The following PRDM16 variants were observed in gnomAD, a reference collection of about 807,000 sequenced individuals.
PRDM16 encodes PR/SET domain 16.
Under a neutral mutation model 110.6 loss-of-function variants are expected in PRDM16, and 23 were observed. The ratio of observed to expected loss-of-function variants is 0.21; its 90% CI spans 0.15 to 0.29. The LOEUF (loss-of-function observed/expected upper bound fraction) is 0.29, where lower values mean the gene tolerates loss of function less well. PRDM16 is among the 10% of genes least tolerant of loss of function. The pLI is 1.00. For synonymous variants in PRDM16, 799 were observed against 781.8 expected (o/e 1.02, Z -0.37); for missense variants, 1,615 against 1,794.3 (o/e 0.90, Z 1.81).
At chr1:3,215,256 C>T (rs900967224) in intron 2 of PRDM16, among the ~76,000 whole-genome samples, 2 of 148,410 alleles carry the variant, frequency 1.3e-5, no homozygotes, top group African/African-American at 5.1e-5. Flanking sequence ...CAGAACAGAG[C>T]GGAACCCGAC....
chr1:3,346,769 C>G (rs1357389200), intron 3 of PRDM16, among the ~76,000 whole-genome samples: 2 of 152,274 alleles, frequency 1.3e-5, no homozygotes, highest in Admixed American at 6.5e-5. Flanking sequence ...GTGGGTGGCT[C>G]TACAAGGGAA....
At chr1:3,270,241 G>A (rs1038515260) in intron 3 of PRDM16, among the ~76,000 whole-genome samples, 1 of 150,702 alleles carries the variant, frequency 6.6e-6, no homozygotes, top group African/African-American at 2.4e-5. Flanking sequence ...TCAGGAGGAG[G>A]ACAGTCCAGG....
intron 2 of PRDM16, among the ~76,000 whole-genome samples, chr1:3,187,216 C>T (rs970532718): frequency 3.3e-4 from 50 of 152,012 alleles, no homozygotes; most frequent in Non-Finnish European, 5.9e-4. Flanking sequence ...AACAGCCCCA[C>T]CCCCCCACAA....
chr1:3,291,850 CTTCTCTCCTCGAAGGGAACAGT>C (rs1640979977), intron 3 of PRDM16, among the ~76,000 whole-genome samples: 1 of 152,236 alleles, frequency 6.6e-6, no homozygotes, highest in Non-Finnish European at 1.5e-5. Flanking sequence ...GTCCCAACAG[CTTCTCTCCTCGAAGGGAACAGT>C]GCACCTCCCA....
intron 1 of PRDM16, among the ~76,000 whole-genome samples, chr1:3,142,507 G>A (rs12120941): frequency 0.067 from 9,985 of 149,860 alleles, 413 homozygotes; most frequent in East Asian, 0.12. Context: ...GCCGTCGAAC[G>A]GGATGCACAA....
chr1:3,153,226 A>G (rs930788035), intron 1 of PRDM16, among the ~76,000 whole-genome samples: 2 of 152,190 alleles, frequency 1.3e-5, no homozygotes, highest in African/African-American at 4.8e-5. Flanking sequence ...TCCTCAGGCA[A>G]TAGCTCTGGA....
rs187370189 is a variant in PRDM16, at chr1:3,258,267, C to A, written c.438+14130C>A. Among the ~76,000 whole-genome samples, 4 of 152,282 alleles carry A rather than the reference C, an allele frequency of 2.6e-5. No homozygotes were observed. The East Asian group carries it at 7.7e-4, about 29-fold the overall frequency. On this transcript the variant is annotated intron_variant, in intron 3 of 16. Coordinates refer to ENST00000270722, the MANE Select transcript of PRDM16 (RefSeq NM_022114.4). ...GTCCCTTCTCAGGGCTATTCCTCTT[C>A]TCATCTGTTATCTATGGGGGGGATA...
rs1640943469 is a variant in PRDM16 at position 3,290,278 on chromosome 1, G to T, written c.438+46141G>T. ...AGGAGCGACGGGGTGGGAGGGATCT[G>T]CCTGCCAGCCCACAGGGCTCAGGGG... On this transcript the variant is annotated intron_variant, in intron 3 of 16. Transcript: ENST00000270722. The surrounding 1 kb of genome is among the most constrained non-coding windows in gnomAD (Gnocchi z 4.8). Among the ~76,000 whole-genome samples the T allele has an allele frequency of 6.6e-6, 1 of 152,180 alleles. No homozygotes were observed. Among genetic ancestry groups the T allele is most frequent in the African/African-American group, 2.4e-5 (1 of 41,438 alleles).
intron 2 of PRDM16, among the ~76,000 whole-genome samples, chr1:3,218,515 C>T (rs868040249): frequency 1.8e-4 from 28 of 152,342 alleles, no homozygotes; most frequent in Middle Eastern, 6.8e-3. Flanking sequence ...CAGATGTGCC[C>T]GCCCGCACAG....
At chr1:3,070,702 G>C (rs985960002) in intron 1 of PRDM16, among the ~76,000 whole-genome samples, 4 of 152,076 alleles carry the variant, frequency 2.6e-5, no homozygotes, top group Admixed American at 6.5e-5. Flanking sequence ...CGGGACTCGC[G>C]GCGGTTTTCC....
intron 1 of PRDM16, among the ~76,000 whole-genome samples, chr1:3,100,684 C>T (rs1642510869): frequency 6.6e-6 from 1 of 152,088 alleles, no homozygotes; most frequent in African/African-American, 2.4e-5. Flanking sequence ...AGGAGCTTTC[C>T]CCGAGTGAGG....
rs961132643 is a variant in PRDM16 at position 3,339,666 on chromosome 1, G to C, written c.439-45486G>C. Among the ~76,000 whole-genome samples the C allele has an allele frequency of 4.6e-5, 7 of 152,162 alleles. No individual in the cohort carries two copies. The highest frequency in any genetic ancestry group is 3.2e-3 in the Middle Eastern group (1 of 316). The stretch of plus-strand genomic sequence containing the variant: ...ACAGTCCTACTGCGGACCCCTGGCT[G>C]CATTGTGTGTGTGGTGGGGGGTGTG... On this transcript the variant is annotated intron_variant, in intron 3 of 16. Transcript: ENST00000270722. This position sits in a 1 kb window ranked among gnomAD's most constrained non-coding sequence, Gnocchi z 5.0.
chr1:3,222,310 C>A (rs1032311317), intron 2 of PRDM16, among the ~76,000 whole-genome samples: 2 of 148,506 alleles, frequency 1.3e-5, no homozygotes, highest in Non-Finnish European at 3.0e-5. Flanking sequence ...AGCTGCTGGC[C>A]CTGAGATGTA....
intron 1 of PRDM16, among the ~76,000 whole-genome samples, chr1:3,176,029 A>G (rs1405693570): frequency 1.3e-4 from 3 of 23,220 alleles, no homozygotes; most frequent in African/African-American, 3.1e-4. Context: ...TTATAAATCT[A>G]TCCACCCATC....
intron 5 of PRDM16, among the ~76,000 whole-genome samples, chr1:3,402,299 T>C (rs1426613018): frequency 6.6e-6 from 1 of 152,244 alleles, no homozygotes; most frequent in Non-Finnish European, 1.5e-5. Flanking sequence ...TCCAGGCTGA[T>C]TGTTTGGCTT....
At chr1:3,233,738 A>G (rs1381697176) in intron 2 of PRDM16, among the ~76,000 whole-genome samples, 1 of 152,162 alleles carries the variant, frequency 6.6e-6, no homozygotes, top group African/African-American at 2.4e-5. Context: ...GGGCAGGGCA[A>G]GCTTTTGGAG....
At chr1:3,343,665 GC>G (rs1330395564) in intron 3 of PRDM16, among the ~76,000 whole-genome samples, 2 of 151,714 alleles carry the variant, frequency 1.3e-5, no homozygotes, top group African/African-American at 4.8e-5. Flanking sequence ...ATGGAGTCTC[GC>G]TCTGTCACCC....
At chr1:3,316,459 C>T (rs1350344198) in intron 3 of PRDM16, among the ~76,000 whole-genome samples, 2 of 152,194 alleles carry the variant, frequency 1.3e-5, no homozygotes, top group African/African-American at 2.4e-5. Flanking sequence ...ACACTAAGTA[C>T]TGGGAGGGAT....
chr1:3,438,518 G>T lies in PRDM16; in HGVS notation c.*4707G>T, dbSNP rs569569202. On this transcript the variant is annotated 3_prime_UTR_variant, in exon 17 of 17. Transcript: ENST00000270722. Reference sequence around the variant, plus strand: ...AAAGCCTAGGAGAAGCCGATTTGGAGGTTAATGCTGTAGAATAGGACTGTA... The same window carrying T: ...AAAGCCTAGGAGAAGCCGATTTGGATGTTAATGCTGTAGAATAGGACTGTA... 1 of 205,542 alleles carries T rather than the reference G, an allele frequency of 4.9e-6. No homozygotes were observed. Among genetic ancestry groups the T allele is most frequent in the East Asian group, 7.4e-5 (1 of 13,424 alleles). 12.7% of individuals were successfully genotyped at this position (205,542 alleles called of 1,614,324 possible). A position where few individuals can be genotyped will look rare whatever the true frequency, so the allele number is the denominator to read the frequency against.
Sources: allele counts gnomAD v4.1 joint callset (sites outside exome capture counted in the v4.1 genomes callset), GRCh38; gene constraint gnomAD v4.1.1; non-coding constraint Gnocchi (gnomAD v3.1); transcripts MANE v1.5; gene names NCBI Gene and HGNC (gene_info 2026-07-23, HGNC 2026-07-21).